Variants in GRM8 observed in about 807,000 individuals in gnomAD.
GRM8 encodes glutamate metabotropic receptor 8, also known as metabotropic glutamate receptor 8.
Under a neutral mutation model 87.2 loss-of-function variants are expected in GRM8, and 47 were observed. That is an observed-to-expected ratio of 0.54 (90% CI 0.43 to 0.69). The LOEUF (loss-of-function observed/expected upper bound fraction) is 0.69, where lower values mean the gene tolerates loss of function less well. Ranked by LOEUF, GRM8 falls within the 30% of genes least tolerant of loss-of-function variation. The pLI is 0.00. For synonymous variants in GRM8, 396 were observed against 404.5 expected (o/e 0.98, Z 0.25); for missense variants, 1,019 against 1,139.2 (o/e 0.89, Z 1.52).
chr7:127,029,979 C>A (rs978763782), intron 3 of GRM8, among the ~76,000 whole-genome samples: 4 of 152,072 alleles, frequency 2.6e-5, no homozygotes, highest in African/African-American at 7.2e-5. Flanking sequence ...TCAAAAGATT[C>A]TTTTTATGTG....
chr7:126,951,848 C>G (rs1808198121), intron 3 of GRM8, among the ~76,000 whole-genome samples: 1 of 151,858 alleles, frequency 6.6e-6, no homozygotes. Context: ...CTTTAAATAT[C>G]TATATAGACA....
rs554182266 is a variant in GRM8 at position 126,988,245 on chromosome 7, G to A, written c.728-83562C>T. Among the ~76,000 whole-genome samples the A allele has an allele frequency of 1.1e-3, 174 of 152,274 alleles. 1 individual carries two copies. The highest frequency in any genetic ancestry group is 4.1e-3 in the African/African-American group (169 of 41,564). ...ATGACGTGCGTCATTTTGTGCAAAG[G>A]ACATCAAAAGAACTTGTCAGTTAAA... On this transcript the variant is annotated intron_variant, in intron 3 of 10. Transcript: ENST00000339582.
intron 8 of GRM8, among the ~76,000 whole-genome samples, chr7:126,551,948 C>CG (rs1792633466): frequency 6.6e-6 from 1 of 152,142 alleles, no homozygotes; most frequent in South Asian, 2.1e-4. Context: ...CTCAAACACT[C>CG]TTTCCCAATC....
At chr7:126,540,361 G>A (rs1192118402) in intron 8 of GRM8, among the ~76,000 whole-genome samples, 3 of 152,130 alleles carry the variant, frequency 2.0e-5, no homozygotes, top group African/African-American at 4.8e-5. Context: ...AAATGGTACT[G>A]TAGCTTTGGA....
intron 2 of GRM8, among the ~76,000 whole-genome samples, chr7:127,153,120 T>C (rs1263645173): frequency 6.6e-6 from 1 of 152,134 alleles, no homozygotes; most frequent in African/African-American, 2.4e-5. Context: ...AAATACTGTA[T>C]CTTTAGCATT....
chr7:126,909,635 T>C (rs554417474), intron 3 of GRM8, among the ~76,000 whole-genome samples: 6 of 152,344 alleles, frequency 3.9e-5, no homozygotes, highest in African/African-American at 1.4e-4. Flanking sequence ...TTGCAGCCTG[T>C]GTATTTTTTT....
chr7:127,204,525 G>A (rs774146592), intron 2 of GRM8, among the ~76,000 whole-genome samples: 4 of 152,196 alleles, frequency 2.6e-5, no homozygotes, highest in Non-Finnish European at 5.9e-5. Flanking sequence ...TTTTAAAGCT[G>A]TTAAGGCACT....
intron 2 of GRM8, among the ~76,000 whole-genome samples, chr7:127,121,793 G>C (rs1309399819): frequency 3.3e-5 from 5 of 152,024 alleles, no homozygotes. Flanking sequence ...TAGGCGGATG[G>C]TCCTAAACCA....
At chr7:126,829,045 G>T (rs1376640790) in intron 6 of GRM8, among the ~76,000 whole-genome samples, 1 of 152,156 alleles carries the variant, frequency 6.6e-6, no homozygotes, top group Non-Finnish European at 1.5e-5. Flanking sequence ...GTTCTAGTAT[G>T]ATCGCACTGT....
chr7:126,475,719 A>T (rs1805818042), intron 9 of GRM8, among the ~76,000 whole-genome samples: 4 of 152,202 alleles, frequency 2.6e-5, no homozygotes, highest in Admixed American at 2.6e-4. Flanking sequence ...TAGAAACTAC[A>T]TTACAAAGCT....
At chr7:126,639,228 T>C (rs1188427264) in intron 7 of GRM8, among the ~76,000 whole-genome samples, 1 of 152,218 alleles carries the variant, frequency 6.6e-6, no homozygotes, top group East Asian at 1.9e-4. Flanking sequence ...AGGGCATCTA[T>C]TTTATTTTGC....
intron 7 of GRM8, among the ~76,000 whole-genome samples, chr7:126,712,302 C>T (rs1156775876): frequency 6.6e-6 from 1 of 151,988 alleles, no homozygotes; most frequent in East Asian, 1.9e-4. Flanking sequence ...ATTAAGTTTC[C>T]CATCTTATAT....
intron 6 of GRM8, among the ~76,000 whole-genome samples, chr7:126,881,387 C>T (rs1031594367): frequency 2.0e-5 from 3 of 152,150 alleles, no homozygotes; most frequent in Non-Finnish European, 4.4e-5. Context: ...TGATCACGGC[C>T]AGCGCACAGG....
chr7:126,654,371 GT>G (rs1804267993), intron 7 of GRM8, among the ~76,000 whole-genome samples: 1 of 152,150 alleles, frequency 6.6e-6, no homozygotes, highest in Non-Finnish European at 1.5e-5. Flanking sequence ...GAAGAAAAAT[GT>G]GATACTTTAT....
At chr7:126,758,078 G>A (rs958990965) in intron 7 of GRM8, among the ~76,000 whole-genome samples, 2 of 152,108 alleles carry the variant, frequency 1.3e-5, no homozygotes, top group African/African-American at 2.4e-5. Flanking sequence ...ACTGATTACA[G>A]GAGATTTATC....
chr7:126,801,540 T>TTAAACA (rs1822692093), intron 6 of GRM8, among the ~76,000 whole-genome samples: 7 of 141,180 alleles, frequency 5.0e-5, no homozygotes, highest in Admixed American at 1.4e-4. Context: ...GGCACCAAAA[T>TTAAACA]AGTATTACTA....
At chr7:126,677,976 G>A (rs1248004866) in intron 7 of GRM8, among the ~76,000 whole-genome samples, 1 of 152,154 alleles carries the variant, frequency 6.6e-6, no homozygotes, top group Non-Finnish European at 1.5e-5. Flanking sequence ...CTGATAACTA[G>A]GGGCATGGAA....
chr7:127,188,478 G>A (rs17867125), intron 2 of GRM8, among the ~76,000 whole-genome samples: 2,852 of 152,116 alleles, frequency 0.019, 90 homozygotes, highest in African/African-American at 0.065. Flanking sequence ...CATAGTCTCA[G>A]CCAAGTCATT....
intron 7 of GRM8, among the ~76,000 whole-genome samples, chr7:126,754,754 A>G (rs1563155115): frequency 6.6e-6 from 1 of 151,890 alleles, no homozygotes; most frequent in African/African-American, 2.4e-5. Context: ...TTCACTTTCT[A>G]GTTAGACCTG....
Sources: allele counts gnomAD v4.1 joint callset (sites outside exome capture counted in the v4.1 genomes callset), GRCh38; gene constraint gnomAD v4.1.1; transcripts MANE v1.5; gene names NCBI Gene and HGNC (gene_info 2026-07-23, HGNC 2026-07-21).